MRE11: variants seen among roughly 807,000 people sequenced by gnomAD.
The protein encoded by MRE11 is MRE11 double strand break repair nuclease.
In MRE11, 62 loss-of-function variants were observed where a neutral mutation model predicts 91.7. That is an observed-to-expected ratio of 0.68 (90% confidence interval 0.55 to 0.84). The LOEUF (loss-of-function observed/expected upper bound fraction) is 0.84, where lower values mean the gene tolerates loss of function less well. Among genes scored for constraint, MRE11 ranks in the 40% least tolerant of loss-of-function variants. The pLI, the probability that MRE11 is intolerant of heterozygous loss-of-function variation, is 0.00. For synonymous variants in MRE11, 273 were observed against 271.4 expected (o/e 1.01, Z -0.06); for missense variants, 796 against 852.9 (o/e 0.93, Z 0.83).
intron 19 of MRE11, among the ~76,000 whole-genome samples, chr11:94,428,226 G>A (rs1033592257): frequency 2.6e-5 from 4 of 152,164 alleles, no homozygotes; most frequent in Admixed American, 2.6e-4. Flanking sequence ...AGAGAACTCA[G>A]AAATAAAGCT....
chr11:94,479,022 T>A, intron 5 of MRE11, 146 bp from the exon 6 acceptor site: 1 of 850,146 alleles, frequency 1.2e-6, no homozygotes, highest in Non-Finnish European at 1.9e-6. Context: ...AAAATTACAA[T>A]AGTAAAAGTA....
chr11:94,430,070 G>T, intron 18 of MRE11, 84 bp from the exon 19 acceptor site: 1 of 1,256,838 alleles, frequency 8.0e-7, no homozygotes, highest in Non-Finnish European at 1.2e-6. Context: ...TTTCAATCCA[G>T]CAGCTGCCAC....
chr11:94,420,020 G>A lies in MRE11; in HGVS notation c.*105C>T. 1.1e-6 allele frequency: 1 copy of A among 912,948 alleles called. No homozygotes were observed. Among genetic ancestry groups the A allele is most frequent in the Non-Finnish European group, 1.7e-6 (1 of 590,060 alleles). The allele number at this position is 912,948 out of a possible 1,614,324, so 56.6% of individuals were successfully genotyped here. ...GAACTAGAAATTTCTTACTTATGGA[G>A]TTATGCTCAGGAAACAATACTTAAA... On this transcript the variant is annotated 3_prime_UTR_variant, in exon 20 of 20. Coordinates refer to ENST00000323929, the MANE Select transcript of MRE11 (RefSeq NM_005591.4).
chr11:94,489,488 G>T (rs879851986), intron 3 of MRE11, among the ~76,000 whole-genome samples: 3 of 152,130 alleles, frequency 2.0e-5, no homozygotes, highest in Non-Finnish European at 2.9e-5. Flanking sequence ...TATTTTAAAA[G>T]TTCACTTTGG....
chr11:94,485,188 A>T (rs1453829667), intron 4 of MRE11, among the ~76,000 whole-genome samples: 8 of 152,080 alleles, frequency 5.3e-5, no homozygotes, highest in African/African-American at 1.7e-4. Flanking sequence ...CAGGAGGCAG[A>T]GGTTGCAGTG....
intron 11 of MRE11, among the ~76,000 whole-genome samples, chr11:94,462,811 T>C (rs1946456159): frequency 6.6e-6 from 1 of 152,156 alleles, no homozygotes; most frequent in South Asian, 2.1e-4. Context: ...ATGTTACACC[T>C]AAAACCACAA....
chr11:94,489,286 A>G (rs912063270), intron 3 of MRE11, among the ~76,000 whole-genome samples: 20 of 151,756 alleles, frequency 1.3e-4, no homozygotes, highest in Admixed American at 1.3e-3. Context: ...AAAGAACTAG[A>G]TGTGCAAGGG....
intron 19 of MRE11, among the ~76,000 whole-genome samples, chr11:94,421,404 TCTG>T (rs1465708903): frequency 6.6e-6 from 1 of 152,248 alleles, no homozygotes; most frequent in African/African-American, 2.4e-5. Flanking sequence ...TGATTCATTT[TCTG>T]CTGCTATCAA....
intron 19 of MRE11, among the ~76,000 whole-genome samples, 194 bp downstream of exon 19, chr11:94,429,717 A>T (rs1166408998): frequency 6.6e-6 from 1 of 152,118 alleles, no homozygotes. Context: ...ACTGCTCACT[A>T]CCTGGGTGAT....
At chr11:94,483,010 C>T (rs544421418) in intron 4 of MRE11, among the ~76,000 whole-genome samples, 24 of 152,110 alleles carry the variant, frequency 1.6e-4, no homozygotes, top group Admixed American at 5.2e-4. Flanking sequence ...ACATTGATCA[C>T]AATTTTGAAA....
At chr11:94,478,050 G>T (rs1946914761) in intron 6 of MRE11, among the ~76,000 whole-genome samples, 2 of 152,132 alleles carry the variant, frequency 1.3e-5, no homozygotes, top group Admixed American at 6.5e-5. Context: ...GGGACAGGGA[G>T]GGGTGCAGGG....
At chr11:94,446,397 G>A (rs1160912784) in intron 15 of MRE11, among the ~76,000 whole-genome samples, 1 of 151,890 alleles carries the variant, frequency 6.6e-6, no homozygotes, top group South Asian at 2.1e-4. Flanking sequence ...ACAGAGCAAA[G>A]ACAAGACTCC....
At chr11:94,447,701 G>A (rs576106874) in intron 14 of MRE11, among the ~76,000 whole-genome samples, 1 of 150,926 alleles carries the variant, frequency 6.6e-6, no homozygotes, top group East Asian at 1.9e-4. Context: ...TAGGCATGGT[G>A]GCATGCACCT....
intron 16 of MRE11, among the ~76,000 whole-genome samples, chr11:94,441,874 G>A (rs1478969179): frequency 2.7e-5 from 4 of 150,598 alleles, no homozygotes; most frequent in African/African-American, 9.8e-5. Context: ...CGACTCGGGA[G>A]GCTAAGACAG....
chr11:94,450,703 A>C (rs1591659642), intron 14 of MRE11, among the ~76,000 whole-genome samples: 1 of 152,300 alleles, frequency 6.6e-6, no homozygotes. Flanking sequence ...CATATGAGAG[A>C]GCTAAAGCAA....
intron 2 of MRE11, among the ~76,000 whole-genome samples, chr11:94,491,682 A>G (rs185450305): frequency 1.3e-5 from 2 of 152,364 alleles, no homozygotes; most frequent in Admixed American, 1.3e-4. Flanking sequence ...TAACTGCTTT[A>G]TCACATAACT....
chr11:94,422,993 A>G (rs1945214120), intron 19 of MRE11, among the ~76,000 whole-genome samples: 1 of 152,192 alleles, frequency 6.6e-6, no homozygotes, highest in Admixed American at 6.5e-5. Flanking sequence ...GATTACAGGC[A>G]TGAGCTACCG....
chr11:94,476,877 G>A (rs918441509), intron 6 of MRE11, among the ~76,000 whole-genome samples: 3 of 152,020 alleles, frequency 2.0e-5, no homozygotes, highest in East Asian at 3.9e-4. Flanking sequence ...GCACCACCAC[G>A]TCTGGCTAAT....
chr11:94,481,247 T>C (rs1254630586), intron 4 of MRE11, among the ~76,000 whole-genome samples: 5 of 152,002 alleles, frequency 3.3e-5, no homozygotes, highest in African/African-American at 9.7e-5. Context: ...AGGCAGAGGT[T>C]GCAGTAAGCC....
Sources: gnomAD v4.1 joint callset for allele counts (sites outside exome capture counted in the v4.1 genomes callset) on GRCh38, gnomAD v4.1.1 for gene constraint, MANE v1.5 for transcripts, NCBI Gene and HGNC (gene_info 2026-07-23, HGNC 2026-07-21) for gene names.